Variants in LITAF observed in about 807,000 individuals in gnomAD.
LITAF encodes the protein lipopolysaccharide induced TNF factor.
Under a neutral mutation model 14.5 loss-of-function variants are expected in LITAF, and 9 were observed. That is an observed-to-expected ratio of 0.62 (90% CI 0.37 to 1.08). LITAF has a LOEUF of 1.08. Ranked by LOEUF, LITAF falls within the 50% of genes least tolerant of loss-of-function variation. The probability of loss-of-function intolerance (pLI) is 0.01; values close to 1 mark genes in which losing one functional copy is unlikely to be tolerated. For missense variants in LITAF, 206 were observed against 213.4 expected (o/e 0.97, Z 0.22); for synonymous variants, 98 against 88.2 (o/e 1.11, Z -0.62).
Position 11,549,445 on chromosome 16 carries a change from G to A in LITAF, c.*192C>T, listed in dbSNP as rs778594024. On this transcript the variant is annotated 3_prime_UTR_variant, in exon 4 of 4. Transcript: ENST00000622633. The surrounding 1 kb of genome is among the most constrained non-coding windows in gnomAD (Gnocchi z 4.6). Reference sequence around the variant, plus strand: ...GAATGTCTTTGCAAGTCCTATGCACGACTCCAAGCAGCAATTTCTGGGGTT... The same window carrying A: ...GAATGTCTTTGCAAGTCCTATGCACAACTCCAAGCAGCAATTTCTGGGGTT... 2.9e-5 allele frequency: 19 copies of A among 645,478 alleles called. No individual in the cohort carries two copies. Among genetic ancestry groups the A allele is most frequent in the Admixed American group, 1.9e-4 (9 of 48,124 alleles). The allele number at this position is 645,478 out of a possible 1,614,324, so 40.0% of individuals were successfully genotyped here.
chr16:11,551,583 G>T (rs2141690842), intron 3 of LITAF: 8 of 488,570 alleles, frequency 1.6e-5, no homozygotes, highest in South Asian at 1.5e-4. Flanking sequence ...CACTTTGGGA[G>T]GTCAAGGCAG....
intron 3 of LITAF, among the ~76,000 whole-genome samples, chr16:11,608,205 C>T (rs147213209): frequency 3.3e-5 from 5 of 152,284 alleles, no homozygotes; most frequent in Non-Finnish European, 5.9e-5. Flanking sequence ...AGAAGCTGAG[C>T]GAGTGGCCCA....
chr16:11,548,018 T>C lies in LITAF; in HGVS notation c.*1619A>G, dbSNP rs570056746. 2.6e-5 allele frequency: 12 copies of C among 454,122 alleles called. No homozygotes were observed. The East Asian group carries it at 2.8e-4, about 11-fold the overall frequency. The allele number at this position is 454,122 out of a possible 1,614,324, so 28.1% of individuals were successfully genotyped here. On this transcript the variant is annotated 3_prime_UTR_variant, in exon 4 of 4. Transcript: ENST00000622633. ...ATAGTTCACCGGGTGAACCAAAGAC[T>C]TTATTTTTCAAAAGCAGGTAACACC...
In LITAF at chr16:11,576,554, A is replaced by AAAAAAAAAAAAAGAC. The variant is rs1555469756; in HGVS notation, c.-6+10331_-6+10332insGTCTTTTTTTTTTTT. Among the ~76,000 whole-genome samples, 45 of 116,654 alleles carry AAAAAAAAAAAAAGAC rather than the reference A, an allele frequency of 3.9e-4. 1 individual carries two copies. The highest frequency in any genetic ancestry group is 8.3e-4 in the South Asian group (3 of 3,632). The allele number at this position is 116,654 out of a possible 152,430, so 76.5% of individuals were successfully genotyped here. Reference sequence around the variant, plus strand: ...ATCTGCAAAAAAAAAAAAAAAAAAAAAGAGAGAGAGAAAGAGAAAAAGAGA... The same window carrying AAAAAAAAAAAAAGAC: ...ATCTGCAAAAAAAAAAAAAAAAAAAAAAAAAAAAAAAAGACAGAGAGAGAGAAAGAGAAAAAGAGA... On this transcript the variant is annotated intron_variant, in intron 1 of 3. Coordinates refer to ENST00000622633, the MANE Select transcript of LITAF (RefSeq NM_001136472.2).
chr16:11,572,714 G>C (rs948761530), intron 1 of LITAF, among the ~76,000 whole-genome samples: 10 of 152,214 alleles, frequency 6.6e-5, no homozygotes, highest in African/African-American at 1.9e-4. Context: ...ACAATGAATA[G>C]AGAGGTGACA....
At chr16:11,625,724 A>C (rs967663119) in intron 3 of LITAF, among the ~76,000 whole-genome samples, 5 of 152,034 alleles carry the variant, frequency 3.3e-5, no homozygotes, top group African/African-American at 1.2e-4. Context: ...TTCCCTTTTA[A>C]TCTTTCATTT....
rs1309157236 is a variant in LITAF, at chr16:11,605,784, G to C, written c.85+27749C>G. ...CTGTCTCTAAGAGAAAGAGAAGCAA[G>C]AGAGTTACCGTGAGAGCCCCGAGAG... On this transcript the variant is annotated intron_variant, in intron 3 of 3. Transcript: ENST00000574848. This position sits in a 1 kb window ranked among gnomAD's most constrained non-coding sequence, Gnocchi z 4.7. 1.3e-5 allele frequency among the ~76,000 whole-genome samples: 2 copies of C among 152,078 alleles called. No homozygotes were observed. The highest frequency in any genetic ancestry group is 2.9e-5 in the Non-Finnish European group (2 of 68,018).
intron 1 of LITAF, among the ~76,000 whole-genome samples, chr16:11,596,865 C>CACAAGCTGAGT: frequency 6.6e-6 from 1 of 151,670 alleles, no homozygotes; most frequent in Admixed American, 6.6e-5. Flanking sequence ...GTGATGGGCA[C>CACAAGCTGAGT]ACAAGCTGAG....
intron 3 of LITAF, among the ~76,000 whole-genome samples, chr16:11,625,581 C>T (rs902118262): frequency 6.6e-6 from 1 of 152,062 alleles, no homozygotes; most frequent in African/African-American, 2.4e-5. Context: ...ATTACTTGCA[C>T]CCAAATTTCT....
chr16:11,553,786 ATAT>A lies in LITAF; in HGVS notation c.221-100_221-98del, dbSNP rs1230519942. 1 of 1,363,754 alleles carries A rather than the reference ATAT, an allele frequency of 7.3e-7. No individual in the cohort carries two copies. The highest frequency in any genetic ancestry group is 1.4e-5 in the African/African-American group (1 of 70,096). 84.5% of individuals were successfully genotyped at this position (1,363,754 alleles called of 1,614,324 possible). ...GAGAGGAACGCAGGGATGCCAGCAA[ATAT>A]TATATTTGTACATTTGTGTTCATAG... On this transcript the variant is annotated intron_variant, in intron 2 of 3. Coordinates refer to ENST00000622633, the MANE Select transcript of LITAF (RefSeq NM_001136472.2). This position sits in a 1 kb window ranked among gnomAD's most constrained non-coding sequence, Gnocchi z 7.7.
At chr16:11,639,935 C>T (rs1234361674), upstream of LITAF, among the ~76,000 whole-genome samples, 1 of 152,078 alleles carries the variant, frequency 6.6e-6, no homozygotes, top group Non-Finnish European at 1.5e-5. Flanking sequence ...CCACCATGCC[C>T]GGATAATTTT....
upstream of LITAF, among the ~76,000 whole-genome samples, chr16:11,588,997 C>A (rs1166686634): frequency 6.6e-6 from 1 of 152,086 alleles, no homozygotes; most frequent in South Asian, 2.1e-4. Context: ...GTTTTTCTTT[C>A]CCCAACTGCT....
chr16:11,583,406 C>G (rs1020164736), intron 1 of LITAF, among the ~76,000 whole-genome samples: 1 of 152,128 alleles, frequency 6.6e-6, no homozygotes, highest in Non-Finnish European at 1.5e-5. Flanking sequence ...CTAGTTTCCA[C>G]GTGAATCACA....
chr16:11,577,316 ATT>A (rs71136668), intron 1 of LITAF, among the ~76,000 whole-genome samples: 18,142 of 127,772 alleles, frequency 0.14, 1,100 homozygotes, highest in South Asian at 0.22. Flanking sequence ...AGAAGTGTCT[ATT>A]TTTTTTTTTT....
Position 11,565,594 on chromosome 16 carries a change from C to T in LITAF, c.-5-8859G>A, listed in dbSNP as rs189920475. Among the ~76,000 whole-genome samples, 693 of 152,070 alleles carry T rather than the reference C, an allele frequency of 4.6e-3. 6 individuals are homozygous for T. The highest frequency in any genetic ancestry group is 0.016 in the African/African-American group (666 of 41,490). ...GGCCCGTTTGTTTAAAATCAAGCCA[C>T]GTGGGTCTTTCTGACACCCCTCATT... On this transcript the variant is annotated intron_variant, in intron 1 of 3. Transcript: ENST00000622633.
intron 2 of LITAF, among the ~76,000 whole-genome samples, chr16:11,554,104 C>T (rs1293821385): frequency 6.6e-6 from 1 of 152,086 alleles, no homozygotes; most frequent in South Asian, 2.1e-4. Context: ...TGGGAGTACA[C>T]GCCTGTAGTC....
At chr16:11,610,650 A>T (rs1368193386) in intron 3 of LITAF, among the ~76,000 whole-genome samples, 1 of 152,170 alleles carries the variant, frequency 6.6e-6, no homozygotes, top group Non-Finnish European at 1.5e-5. Flanking sequence ...GAGGAAAAAA[A>T]CCATCGCCCA....
At chr16:11,620,209 T>C (rs2065041614) in intron 3 of LITAF, among the ~76,000 whole-genome samples, 2 of 149,490 alleles carry the variant, frequency 1.3e-5, no homozygotes, top group Admixed American at 1.3e-4. Context: ...AGAAAAGTAA[T>C]CCTCCACAAT....
intron 3 of LITAF, among the ~76,000 whole-genome samples, chr16:11,607,181 CA>C (rs1222851546): frequency 6.6e-6 from 1 of 152,188 alleles, no homozygotes; most frequent in Non-Finnish European, 1.5e-5. Flanking sequence ...GTAAAACCCC[CA>C]CTCTCAGGGC....
Sources: gnomAD v4.1 joint callset for allele counts (sites outside exome capture counted in the v4.1 genomes callset) on GRCh38, gnomAD v4.1.1 for gene constraint, Gnocchi (gnomAD v3.1) non-coding constraint, MANE v1.5 for transcripts, NCBI Gene and HGNC (gene_info 2026-07-23, HGNC 2026-07-21) for gene names.